The following PRKCE variants were observed in gnomAD, a reference collection of about 807,000 sequenced individuals.
PRKCE encodes the protein protein kinase C epsilon type.
PRKCE carries 16 observed loss-of-function variants against 85.4 expected under a neutral mutation model. The observed-to-expected ratio is 0.19, with a 90% CI of 0.13 to 0.28. The LOEUF (loss-of-function observed/expected upper bound fraction) is 0.28. PRKCE is among the 10% of genes least tolerant of loss of function. PRKCE has a pLI of 1.00. For missense variants in PRKCE, 573 were observed against 975.2 expected (o/e 0.59, Z 5.49); for synonymous variants, 388 against 371.5 (o/e 1.04, Z -0.51).
intron 10 of PRKCE, among the ~76,000 whole-genome samples, chr2:46,030,513 TCCACCATGCCCCCCTCCCTGGG>T: frequency 6.6e-6 from 1 of 152,212 alleles, no homozygotes; most frequent in South Asian, 2.1e-4. Context: ...ATGTGGCTGT[TCCACCATGCCCCCCTCCCTGGG>T]GATTCTGAAG....
At chr2:45,977,632 C>G (rs1168305856) in intron 3 of PRKCE, among the ~76,000 whole-genome samples, 1 of 140,510 alleles carries the variant, frequency 7.1e-6, no homozygotes, top group African/African-American at 2.5e-5. Flanking sequence ...GAGTGAGACT[C>G]TGTCTTAAAA....
chr2:45,755,227 C>T (rs543549529), intron 1 of PRKCE, among the ~76,000 whole-genome samples: 32 of 152,250 alleles, frequency 2.1e-4, no homozygotes, highest in African/African-American at 6.3e-4. Flanking sequence ...TGGGCTGGTG[C>T]GTAGTTCTTA....
intron 11 of PRKCE, among the ~76,000 whole-genome samples, chr2:46,114,197 G>A (rs1672533650): frequency 6.6e-6 from 1 of 152,074 alleles, no homozygotes; most frequent in Admixed American, 6.5e-5. Context: ...GAGAGGCACA[G>A]AACTCGAGGG....
chr2:46,177,698 G>A (rs984041521), intron 14 of PRKCE, among the ~76,000 whole-genome samples: 5 of 152,166 alleles, frequency 3.3e-5, no homozygotes, highest in African/African-American at 9.7e-5. Flanking sequence ...ACATCCTGTG[G>A]TACTGGGGGT....
chr2:45,805,869 G>A (rs1353844380), intron 1 of PRKCE, among the ~76,000 whole-genome samples: 1 of 152,164 alleles, frequency 6.6e-6, no homozygotes, highest in Admixed American at 6.5e-5. Flanking sequence ...AAAGTGCTGG[G>A]ATTACAGGCG....
At chr2:45,729,410 A>G (rs571680084) in intron 1 of PRKCE, among the ~76,000 whole-genome samples, 1 of 152,300 alleles carries the variant, frequency 6.6e-6, no homozygotes, top group East Asian at 1.9e-4. Context: ...TAATACGCTT[A>G]TGAGACAGCC....
intron 1 of PRKCE, among the ~76,000 whole-genome samples, chr2:45,755,277 A>G (rs1410104703): frequency 6.6e-6 from 1 of 152,150 alleles, no homozygotes; most frequent in Non-Finnish European, 1.5e-5. Context: ...GCAGTGGACT[A>G]TTTTGCTATT....
intron 2 of PRKCE, among the ~76,000 whole-genome samples, chr2:45,913,435 C>T (rs115299511): frequency 0.016 from 2,373 of 152,332 alleles, 29 homozygotes; most frequent in Non-Finnish European, 0.022. Flanking sequence ...TAGGCGTGAG[C>T]CACCATGCCC....
intron 5 of PRKCE, among the ~76,000 whole-genome samples, chr2:45,982,442 G>A (rs1702968366): frequency 6.6e-6 from 1 of 152,102 alleles, no homozygotes; most frequent in African/African-American, 2.4e-5. Flanking sequence ...CACTCGGCCG[G>A]TCCCCCCCAT....
intron 11 of PRKCE, among the ~76,000 whole-genome samples, chr2:46,117,645 T>C (rs1672907812): frequency 6.6e-6 from 1 of 152,216 alleles, no homozygotes; most frequent in Admixed American, 6.5e-5. Context: ...TCTTTTTACC[T>C]TCTGATCCTC....
At chr2:45,772,287 A>G (rs1289981767) in intron 1 of PRKCE, among the ~76,000 whole-genome samples, 1 of 152,080 alleles carries the variant, frequency 6.6e-6, no homozygotes, top group African/African-American at 2.4e-5. Flanking sequence ...ATAAAAAAAA[A>G]AAAAGCCAGA....
At position 45,754,233 on chromosome 2, in the gene PRKCE, C is replaced by A. The variant is rs76411425; in HGVS notation, c.349-88767C>A. Among the ~76,000 whole-genome samples, 1,139 of 152,312 alleles carry A rather than the reference C, an allele frequency of 7.5e-3. 8 individuals are homozygous for A. Among genetic ancestry groups the A allele is most frequent in the South Asian group, 0.019 (90 of 4,832 alleles). On this transcript the variant is annotated intron_variant, in intron 1 of 14. Transcript: ENST00000306156. ...TCTGAGGCCTGGAGACAGCTCTGTG[C>A]TGCTGAGATGCTTTCACTTTATTCT...
At chr2:45,816,876 C>A (rs1288063956) in intron 1 of PRKCE, among the ~76,000 whole-genome samples, 1 of 152,142 alleles carries the variant, frequency 6.6e-6, no homozygotes, top group Non-Finnish European at 1.5e-5. Flanking sequence ...CCTTTTGGTA[C>A]AGCTCTTTTA....
intron 1 of PRKCE, among the ~76,000 whole-genome samples, chr2:45,809,982 C>G (rs113595169): frequency 0.016 from 2,391 of 152,164 alleles, 66 homozygotes; most frequent in African/African-American, 0.054. Flanking sequence ...AGTTTCAATC[C>G]TATTCTTCAA....
At chr2:45,742,714 A>G (rs1682681151) in intron 1 of PRKCE, among the ~76,000 whole-genome samples, 1 of 152,256 alleles carries the variant, frequency 6.6e-6, no homozygotes, top group Admixed American at 6.5e-5. Context: ...TGGTACAACC[A>G]TTATGAAAGA....
intron 2 of PRKCE, among the ~76,000 whole-genome samples, chr2:45,943,112 G>A (rs1161133692): frequency 2.0e-5 from 3 of 152,012 alleles, no homozygotes; most frequent in South Asian, 2.1e-4. Context: ...GTATCTCGGC[G>A]CTAGGATTCA....
At chr2:45,762,305 C>G (rs1684574019) in intron 1 of PRKCE, among the ~76,000 whole-genome samples, 1 of 152,144 alleles carries the variant, frequency 6.6e-6, no homozygotes, top group African/African-American at 2.4e-5. Context: ...CAGCGGGTCT[C>G]ACTATGCTGG....
At chr2:45,723,377 G>C (rs894356862) in intron 1 of PRKCE, among the ~76,000 whole-genome samples, 2 of 152,114 alleles carry the variant, frequency 1.3e-5, no homozygotes, top group African/African-American at 4.8e-5. Flanking sequence ...GCCTCAGGAG[G>C]CTTCCAGGGC....
intron 10 of PRKCE, among the ~76,000 whole-genome samples, chr2:46,042,877 C>G (rs1019091066): frequency 8.5e-5 from 13 of 152,202 alleles, no homozygotes; most frequent in Non-Finnish European, 1.3e-4. Flanking sequence ...TTGATTGCCA[C>G]GCAATGTTCT....
Sources: allele counts gnomAD v4.1 joint callset (sites outside exome capture counted in the v4.1 genomes callset), GRCh38; gene constraint gnomAD v4.1.1; transcripts MANE v1.5; gene names NCBI Gene and HGNC (gene_info 2026-07-23, HGNC 2026-07-21).